Variants in CLMN observed in about 807,000 individuals in gnomAD.
The protein encoded by CLMN is calmin (calponin-like, transmembrane).
CLMN carries 57 observed loss-of-function variants against 92.7 expected under a neutral mutation model. That is an observed-to-expected ratio of 0.61 (90% CI 0.50 to 0.77). The LOEUF (loss-of-function observed/expected upper bound fraction) is 0.77. Among genes scored for constraint, CLMN ranks in the 30% least tolerant of loss-of-function variants. The pLI, the probability that CLMN is intolerant of heterozygous loss-of-function variation, is 0.00. For missense variants in CLMN, 1,158 were observed against 1,237.5 expected, an observed-to-expected ratio of 0.94 and a Z score of 0.96; for synonymous variants, 466 against 470.6, an observed-to-expected ratio of 0.99 and a Z score of 0.13.
chr14:95,223,792 C>A lies in CLMN; in HGVS notation c.208G>T (p.Ala70Ser), dbSNP rs896170184. 1 of 1,613,828 alleles carries A rather than the reference C, an allele frequency of 6.2e-7. No individual in the cohort carries two copies. The highest frequency in any genetic ancestry group is 1.1e-5 in the South Asian group (1 of 91,028). Residue 70 changes from alanine (A) to serine (S), a missense_variant, in exon 3 of 13, where the codon GCT becomes TCT. Coordinates refer to ENST00000298912, the MANE Select transcript of CLMN (RefSeq NM_024734.4). Reference sequence around the variant, plus strand: ...CGCCCAGACAGGACTTCTAACAAAGCCATTAGGATTTTGCCATCTTGTATA... The same window carrying A: ...CGCCCAGACAGGACTTCTAACAAAGACATTAGGATTTTGCCATCTTGTATA... ...VDIQDGKILM[A>S]LLEVLSGRNL...
intron 1 of CLMN, among the ~76,000 whole-genome samples, chr14:95,264,053 T>A (rs1418735259): frequency 6.8e-6 from 1 of 147,234 alleles, no homozygotes; most frequent in Non-Finnish European, 1.5e-5. Context: ...TATTTATTTA[T>A]TTGAGACAGG....
intron 1 of CLMN, among the ~76,000 whole-genome samples, chr14:95,287,368 C>T (rs1900385458): frequency 6.6e-6 from 1 of 152,212 alleles, no homozygotes; most frequent in Non-Finnish European, 1.5e-5. Flanking sequence ...GTATGCTGGG[C>T]CTGCCTCAAC....
intron 10 of CLMN, among the ~76,000 whole-genome samples, chr14:95,196,200 C>T (rs897899676): frequency 6.6e-6 from 1 of 152,140 alleles, no homozygotes. Flanking sequence ...GCGTTCACCC[C>T]CACGCCTACC....
chr14:95,303,538 C>T (rs1202512695), intron 1 of CLMN, among the ~76,000 whole-genome samples: 1 of 152,248 alleles, frequency 6.6e-6, no homozygotes, highest in Non-Finnish European at 1.5e-5. Flanking sequence ...CCCCAACCCT[C>T]ACGCCTTGGG....
chr14:95,244,080 C>T (rs1898365767), intron 1 of CLMN, among the ~76,000 whole-genome samples: 1 of 152,196 alleles, frequency 6.6e-6, no homozygotes, highest in Non-Finnish European at 1.5e-5. Context: ...TCCCCTTCGC[C>T]TTCTACCATG....
In CLMN at chr14:95,203,748, A is replaced by G. The variant is rs369150193; in HGVS notation, c.1601T>C (p.Met534Thr). Residue 534 changes from methionine (M) to threonine (T), a missense_variant, in exon 9 of 13, where the codon ATG becomes ACG. Coordinates refer to ENST00000298912, the MANE Select transcript of CLMN (RefSeq NM_024734.4). ...SLSPPGENTV[M>T]ADSFQIKVNL... ...AACCTTGATCTGGAAGGAATCGGCCATCACAGTATTTTCTCCTGGGGGTGA... is the reference window on the plus strand; with the variant it reads ...AACCTTGATCTGGAAGGAATCGGCCGTCACAGTATTTTCTCCTGGGGGTGA... 3.0e-5 allele frequency: 48 copies of G among 1,614,042 alleles called. No individual in the cohort carries two copies. In the African/African-American group the frequency reaches 5.7e-4, roughly 19 times the overall value.
intron 9 of CLMN, among the ~76,000 whole-genome samples, chr14:95,198,814 G>T (rs1896796742): frequency 6.6e-6 from 1 of 152,220 alleles, no homozygotes; most frequent in Non-Finnish European, 1.5e-5. Context: ...AAGCATTCGA[G>T]AACAAACTGC....
chr14:95,293,272 CCTT>C (rs1217655492), intron 1 of CLMN, among the ~76,000 whole-genome samples: 2 of 59,312 alleles, frequency 3.4e-5, no homozygotes, highest in African/African-American at 5.3e-5. Context: ...CTCCCTCCCT[CCTT>C]CTTTTCCTCC....
intron 1 of CLMN, 70 bp from the exon 2 acceptor site, chr14:95,230,203 A>AAGGGGAGATTCTAGGTGG: frequency 7.1e-7 from 1 of 1,403,362 alleles, no homozygotes; most frequent in Non-Finnish European, 1.0e-6. Flanking sequence ...TCCCCTTCCC[A>AAGGGGAGATTCTAGGTGG]AGGGGAGATT....
rs532075422 is a variant in CLMN, at chr14:95,236,068, GCAGCCGCCA to G, written c.83-5944_83-5936del. 4.1e-4 allele frequency among the ~76,000 whole-genome samples: 63 copies of G among 152,350 alleles called. 1 individual carries two copies. In the South Asian group the frequency reaches 0.013, roughly 31 times the overall value. On this transcript the variant is annotated intron_variant, in intron 1 of 12. Transcript: ENST00000298912. The stretch of plus-strand genomic sequence containing the variant: ...AGGTCCTCAAGGGAGCTGCTTGACA[GCAGCCGCCA>G]CTTCCCATGCAATAACTTGTCTCTT...
chr14:95,299,309 C>T (rs1259103456), intron 1 of CLMN, among the ~76,000 whole-genome samples: 1 of 152,178 alleles, frequency 6.6e-6, no homozygotes. Flanking sequence ...CCATTCTGGG[C>T]TCTTCAGTGC....
At position 95,241,781 on chromosome 14, in the gene CLMN, A is replaced by AT. The variant is rs537185489; in HGVS notation, c.83-11649_83-11648insA. ...AATGCATTCATTTGAAAACAAACAA[A>AT]AGTTATCTATATATACAAACTGTCT... On this transcript the variant is annotated intron_variant, in intron 1 of 12. Transcript: ENST00000298912. Among the ~76,000 whole-genome samples, 17 of 152,252 alleles carry AT rather than the reference A, an allele frequency of 1.1e-4. No homozygotes were observed. In the East Asian group the frequency reaches 3.3e-3, roughly 29 times the overall value.
At chr14:95,293,604 A>G (rs1238410656) in intron 1 of CLMN, among the ~76,000 whole-genome samples, 1 of 152,124 alleles carries the variant, frequency 6.6e-6, no homozygotes, top group Non-Finnish European at 1.5e-5. Context: ...CCCAGCAGGC[A>G]GGAACGAGCT....
At chr14:95,214,885 G>A (rs1897293326) in intron 5 of CLMN, among the ~76,000 whole-genome samples, 1 of 151,866 alleles carries the variant, frequency 6.6e-6, no homozygotes, top group Non-Finnish European at 1.5e-5. Flanking sequence ...CTCTTGGGAG[G>A]GTAATCGAAC....
At chr14:95,319,226 T>C (rs1206781148) in intron 1 of CLMN, among the ~76,000 whole-genome samples, 2 of 151,594 alleles carry the variant, frequency 1.3e-5, no homozygotes, top group Admixed American at 1.3e-4. Context: ...TGGCCCCGCT[T>C]TCCCCAACTC....
At position 95,204,217 on chromosome 14, in the gene CLMN, C is replaced by T. The variant is rs371811881; in HGVS notation, c.1132G>A (p.Glu378Lys). The T allele has an allele frequency of 1.4e-5, 23 of 1,613,992 alleles. No homozygotes were observed. Among genetic ancestry groups the T allele is most frequent in the East Asian group, 2.2e-5 (1 of 44,894 alleles). Residue 378 changes from glutamate (E) to lysine (K), a missense_variant, in exon 9 of 13, where the codon GAG (glutamate) becomes AAG (lysine). Transcript: ENST00000298912. ...SSHALSDSST[E>K]FMHQIIDQVL... Reference sequence around the variant, plus strand: ...TGGTCAATAATCTGGTGCATGAACTCGGTGGAGCTGTCTGACAGCGCATGG... The same window carrying T: ...TGGTCAATAATCTGGTGCATGAACTTGGTGGAGCTGTCTGACAGCGCATGG...
intron 3 of CLMN, among the ~76,000 whole-genome samples, chr14:95,221,986 G>C (rs974483052): frequency 6.6e-6 from 1 of 152,168 alleles, no homozygotes; most frequent in African/African-American, 2.4e-5. Context: ...CTCAAAGGTC[G>C]GCCTTATTTA....
At chr14:95,315,502 GAC>G (rs1901724220) in intron 1 of CLMN, among the ~76,000 whole-genome samples, 2 of 152,210 alleles carry the variant, frequency 1.3e-5, no homozygotes, top group South Asian at 4.1e-4. Context: ...TCGCATGAGG[GAC>G]ACCTGCACCT....
rs575224309 is a variant in CLMN, at chr14:95,248,111, G to GA, written c.83-17979dup. On this transcript the variant is annotated intron_variant, in intron 1 of 12. Coordinates refer to ENST00000298912, the MANE Select transcript of CLMN (RefSeq NM_024734.4). ...TTTCTTCAATAAGCAAACTGCAAAT[G>GA]AAAAAAAAAAAAGAGGAAAGAGGGG... 3.5e-3 allele frequency among the ~76,000 whole-genome samples: 460 copies of GA among 131,690 alleles called. 2 individuals are homozygous for GA. The highest frequency in any genetic ancestry group is 8.2e-3 in the African/African-American group (299 of 36,344). 86.4% of individuals were successfully genotyped at this position (131,690 alleles called of 152,430 possible).
Sources: gnomAD v4.1 joint callset for allele counts (sites outside exome capture counted in the v4.1 genomes callset) on GRCh38, gnomAD v4.1.1 for gene constraint, MANE v1.5 for transcripts, NCBI Gene and HGNC (gene_info 2026-07-23, HGNC 2026-07-21) for gene names.